The following ST6GALNAC3 variants were observed in gnomAD, a reference collection of about 807,000 sequenced individuals.
ST6GALNAC3 encodes ST6 N-acetylgalactosaminide alpha-2,6-sialyltransferase 3, also known as alpha-N-acetylgalactosaminide alpha-2,6-sialyltransferase 3.
ST6GALNAC3 carries 25 observed loss-of-function variants against 32.7 expected under a neutral mutation model. The observed-to-expected ratio is 0.76, with a 90% CI of 0.56 to 1.07. The LOEUF (loss-of-function observed/expected upper bound fraction) is 1.07, where lower values mean the gene tolerates loss of function less well. Ranked by LOEUF, ST6GALNAC3 falls within the 50% of genes least tolerant of loss-of-function variation. ST6GALNAC3 has a pLI of 0.00. For missense variants in ST6GALNAC3, 355 were observed against 382.4 expected (o/e 0.93, Z 0.60); for synonymous variants, 129 against 133.1 (o/e 0.97, Z 0.21).
chr1:76,229,006 C>G (rs1466039201), intron 1 of ST6GALNAC3, among the ~76,000 whole-genome samples: 10 of 152,070 alleles, frequency 6.6e-5, no homozygotes, highest in Non-Finnish European at 1.3e-4. Flanking sequence ...GTAGACTCAC[C>G]AGGCTAATGC....
At chr1:76,409,220 C>T (rs1212210661) in intron 2 of ST6GALNAC3, among the ~76,000 whole-genome samples, 2 of 152,044 alleles carry the variant, frequency 1.3e-5, no homozygotes, top group Admixed American at 6.6e-5. Flanking sequence ...GATCTATTCC[C>T]ATCTGGTGCC....
intron 1 of ST6GALNAC3, among the ~76,000 whole-genome samples, chr1:76,223,549 G>A (rs1277669048): frequency 1.2e-4 from 18 of 152,030 alleles, no homozygotes; most frequent in Non-Finnish European, 1.2e-4. Context: ...ATGTACCCCT[G>A]AACTTAAAAT....
intron 3 of ST6GALNAC3, among the ~76,000 whole-genome samples, chr1:76,493,031 C>CTT (rs141388563): frequency 0.017 from 2,472 of 145,238 alleles, 83 homozygotes; most frequent in African/African-American, 0.06. Flanking sequence ...TTGACACCTT[C>CTT]TTTTTTTTTT....
intron 1 of ST6GALNAC3, among the ~76,000 whole-genome samples, chr1:76,312,383 A>T (rs574239709): frequency 3.3e-4 from 51 of 152,322 alleles, no homozygotes; most frequent in Non-Finnish European, 5.6e-4. Flanking sequence ...TAATGACTAA[A>T]ACACCAAAAG....
At chr1:76,501,928 CT>C (rs1417086259) in intron 3 of ST6GALNAC3, among the ~76,000 whole-genome samples, 1 of 152,226 alleles carries the variant, frequency 6.6e-6, no homozygotes, top group Non-Finnish European at 1.5e-5. Context: ...TCAGCAATTT[CT>C]GTGATACTTT....
At chr1:76,237,393 A>C (rs1161077849) in intron 1 of ST6GALNAC3, among the ~76,000 whole-genome samples, 1 of 152,174 alleles carries the variant, frequency 6.6e-6, no homozygotes, top group Non-Finnish European at 1.5e-5. Context: ...CTTGGCCTCA[A>C]AATGCTGGGA....
intron 3 of ST6GALNAC3, among the ~76,000 whole-genome samples, chr1:76,436,111 A>G (rs530177508): frequency 4.9e-4 from 74 of 152,196 alleles, no homozygotes; most frequent in African/African-American, 1.8e-3. Context: ...TTTTTAAAAC[A>G]CCTTTGAATA....
chr1:76,129,967 T>C (rs1300616217), intron 1 of ST6GALNAC3, among the ~76,000 whole-genome samples: 1 of 152,168 alleles, frequency 6.6e-6, no homozygotes, highest in Non-Finnish European at 1.5e-5. Flanking sequence ...GGCTTCTGTG[T>C]CTTCTCGGAT....
chr1:76,431,813 A>G (rs996685866), intron 3 of ST6GALNAC3, among the ~76,000 whole-genome samples: 1 of 152,108 alleles, frequency 6.6e-6, no homozygotes, highest in Non-Finnish European at 1.5e-5. Flanking sequence ...GTTACAACTG[A>G]TGAACCTGCA....
chr1:76,598,917 T>C (rs1020656840), intron 3 of ST6GALNAC3, among the ~76,000 whole-genome samples: 18 of 152,220 alleles, frequency 1.2e-4, no homozygotes, highest in African/African-American at 3.9e-4. Flanking sequence ...CATGTCTAAC[T>C]AATTCTCACT....
At chr1:76,178,596 C>T (rs889434802) in intron 1 of ST6GALNAC3, among the ~76,000 whole-genome samples, 5 of 152,132 alleles carry the variant, frequency 3.3e-5, no homozygotes, top group Admixed American at 6.5e-5. Flanking sequence ...GATGTACAGC[C>T]GGGTATGAAA....
intron 1 of ST6GALNAC3, among the ~76,000 whole-genome samples, chr1:76,104,000 C>T (rs1647354815): frequency 6.6e-6 from 1 of 152,016 alleles, no homozygotes; most frequent in African/African-American, 2.4e-5. Flanking sequence ...TTTGGGGCCA[C>T]CTTTTAGCCT....
chr1:76,628,888 A>G lies in ST6GALNAC3; in HGVS notation c.*82A>G. On this transcript the variant is annotated 3_prime_UTR_variant, in exon 5 of 5. Transcript: ENST00000328299. ...GATGCTGATGATGCTAATGGAGATG[A>G]TGGTAATGATAAAGACAACAACAAT... 1 of 1,568,346 alleles carries G rather than the reference A, an allele frequency of 6.4e-7. No homozygotes were observed. Among genetic ancestry groups the G allele is most frequent in the Non-Finnish European group, 8.6e-7 (1 of 1,165,206 alleles).
At chr1:76,346,534 T>A (rs1050574482) in intron 2 of ST6GALNAC3, among the ~76,000 whole-genome samples, 1 of 152,218 alleles carries the variant, frequency 6.6e-6, no homozygotes, top group Non-Finnish European at 1.5e-5. Context: ...CATAGACTTA[T>A]AAGGCAAGGT....
chr1:76,411,426 G>A (rs1405495466), intron 2 of ST6GALNAC3, among the ~76,000 whole-genome samples: 1 of 152,094 alleles, frequency 6.6e-6, no homozygotes, highest in Non-Finnish European at 1.5e-5. Flanking sequence ...CAATTAATAT[G>A]ATGACTTGAG....
intron 1 of ST6GALNAC3, among the ~76,000 whole-genome samples, chr1:76,170,051 T>C (rs998492771): frequency 6.6e-6 from 1 of 152,096 alleles, no homozygotes; most frequent in African/African-American, 2.4e-5. Context: ...GAGGGCTTGA[T>C]TTTGGTATAA....
chr1:76,437,788 A>G (rs1391468958), intron 3 of ST6GALNAC3, among the ~76,000 whole-genome samples: 2 of 151,848 alleles, frequency 1.3e-5, no homozygotes, highest in African/African-American at 4.8e-5. Context: ...GTTGGCCAGG[A>G]CGGTCTCGAT....
chr1:76,454,794 G>A (rs1362209294), intron 3 of ST6GALNAC3, among the ~76,000 whole-genome samples: 1 of 152,052 alleles, frequency 6.6e-6, no homozygotes, highest in East Asian at 1.9e-4. Flanking sequence ...AATTTCTCAG[G>A]TCTTCTTTTA....
At chr1:76,460,354 A>G (rs531474485) in intron 3 of ST6GALNAC3, among the ~76,000 whole-genome samples, 1 of 152,306 alleles carries the variant, frequency 6.6e-6, no homozygotes, top group Middle Eastern at 3.4e-3. Flanking sequence ...TCAAGCATAA[A>G]TCTATAGACA....
Sources: allele counts gnomAD v4.1 joint callset (sites outside exome capture counted in the v4.1 genomes callset), GRCh38; gene constraint gnomAD v4.1.1; transcripts MANE v1.5; gene names NCBI Gene and HGNC (gene_info 2026-07-23, HGNC 2026-07-21).